CDH23: variants seen among roughly 807,000 people sequenced by gnomAD.
The protein encoded by CDH23 is cadherin-23.
In CDH23, 189 loss-of-function variants were observed where a neutral mutation model predicts 317.1. The observed-to-expected ratio is 0.60, with a 90% CI of 0.53 to 0.67. The LOEUF is 0.67. Ranked by LOEUF, CDH23 falls within the 30% of genes least tolerant of loss-of-function variation. The pLI, the probability that CDH23 is intolerant of heterozygous loss-of-function variation, is 0.00. For synonymous variants in CDH23, 1,839 were observed against 1,876.8 expected (o/e 0.98, Z 0.52); for missense variants, 4,401 against 4,592.4 (o/e 0.96, Z 1.20).
intron 27 of CDH23, 29 bp downstream of exon 27, chr10:71,709,240 C>G (rs367801664): frequency 1.1e-5 from 18 of 1,587,846 alleles, no homozygotes; most frequent in Admixed American, 1.7e-5. Context: ...CCCACCAACA[C>G]AGTGATCTGG....
intron 6 of CDH23, among the ~76,000 whole-genome samples, chr10:71,550,233 G>A (rs1856504685): frequency 6.6e-6 from 1 of 152,122 alleles, no homozygotes; most frequent in Non-Finnish European, 1.5e-5. Flanking sequence ...TTGGTCATGG[G>A]ACATATGAAT....
intron 67 of CDH23, 76 bp from the exon 68 acceptor site, chr10:71,812,692 C>A (rs987727140): frequency 2.1e-5 from 34 of 1,611,716 alleles, no homozygotes; most frequent in Non-Finnish European, 2.8e-5. Context: ...AAGCTGGGTT[C>A]TTTAAGGGGT....
chr10:71,417,320 G>T (rs776387599), intron 1 of CDH23, among the ~76,000 whole-genome samples: 2 of 151,850 alleles, frequency 1.3e-5, no homozygotes, highest in Admixed American at 6.6e-5. Context: ...CAGGTGATCC[G>T]CCTGCCTCGG....
intron 38 of CDH23, among the ~76,000 whole-genome samples, chr10:71,762,825 G>T (rs1208630814): frequency 6.6e-6 from 1 of 152,204 alleles, no homozygotes; most frequent in Non-Finnish European, 1.5e-5. Flanking sequence ...ATCCATGCAC[G>T]TCCTTCCAGC....
At chr10:71,510,838 G>C (rs1321896114) in intron 4 of CDH23, 116 bp from the exon 5 acceptor site, 4 of 970,054 alleles carry the variant, frequency 4.1e-6, no homozygotes, top group African/African-American at 1.6e-5. Flanking sequence ...TTGGGTGCCT[G>C]GTTCCAGGCA....
intron 38 of CDH23, chr10:71,773,425 C>T (rs756555317): frequency 5.6e-6 from 9 of 1,601,598 alleles, no homozygotes; most frequent in East Asian, 2.3e-5. Context: ...CCTCCAGGGC[C>T]GTGGGGACGC....
chr10:71,732,411 A>G (rs1042576023), intron 32 of CDH23, 36 bp downstream of exon 32: 2 of 1,551,490 alleles, frequency 1.3e-6, no homozygotes, highest in Non-Finnish European at 1.7e-6. Context: ...CATTTCTTCC[A>G]ATCTAACCAA....
At chr10:71,776,146 G>A (rs1167931920) in intron 38 of CDH23, among the ~76,000 whole-genome samples, 3 of 152,134 alleles carry the variant, frequency 2.0e-5, no homozygotes, top group East Asian at 1.9e-4. Flanking sequence ...CCAAGGCCAC[G>A]CAGCTCCTTT....
chr10:71,511,621 G>C (rs954582134), intron 6 of CDH23, among the ~76,000 whole-genome samples: 1 of 152,168 alleles, frequency 6.6e-6, no homozygotes, highest in Non-Finnish European at 1.5e-5. Flanking sequence ...AGGACTCAGG[G>C]AGCATGCAGT....
chr10:71,603,883 T>C (rs1182719296), intron 9 of CDH23, among the ~76,000 whole-genome samples: 1 of 152,168 alleles, frequency 6.6e-6, no homozygotes, highest in Non-Finnish European at 1.5e-5. Flanking sequence ...CACACGGTAT[T>C]TTGTGGATCC....
chr10:71,566,828 G>A lies in CDH23; in HGVS notation c.516G>A (p.Gln172=), dbSNP rs1381614387. 1.2e-6 allele frequency: 2 copies of A among 1,613,954 alleles called. No homozygotes were observed. Among genetic ancestry groups the A allele is most frequent in the South Asian group, 1.1e-5 (1 of 91,068 alleles). The change falls in exon 7 of 70, where the codon CAG becomes CAA. Residue 172 remains glutamine (Q), a synonymous_variant. Transcript: ENST00000224721. ...GAGGSVLYSF[Q]PPSQFFAIDS... The stretch of plus-strand genomic sequence containing the variant: ...GGGGCAGCGTCCTCTACTCCTTCCA[G>A]CCCCCCTCCCAATTCTTCGCCATTG...
At chr10:71,483,054 T>C (rs1249669750) in intron 3 of CDH23, among the ~76,000 whole-genome samples, 2 of 152,226 alleles carry the variant, frequency 1.3e-5, no homozygotes, top group Non-Finnish European at 2.9e-5. Flanking sequence ...ACAAAAATGC[T>C]GTTCAGTGGC....
intron 55 of CDH23, among the ~76,000 whole-genome samples, chr10:71,805,406 CAGAG>C (rs1332950113): frequency 1.3e-5 from 2 of 152,222 alleles, no homozygotes; most frequent in South Asian, 4.1e-4. Context: ...TTTGGGGTAG[CAGAG>C]AGAGCAAGAC....
At chr10:71,765,356 C>A (rs1007613700) in intron 38 of CDH23, among the ~76,000 whole-genome samples, 2 of 152,212 alleles carry the variant, frequency 1.3e-5, no homozygotes, top group East Asian at 3.9e-4. Context: ...GGGCTGCAGG[C>A]CAGAGGAGGG....
chr10:71,812,967 G>A (rs1435668684), intron 68 of CDH23, 77 bp downstream of exon 68: 21 of 1,576,932 alleles, frequency 1.3e-5, no homozygotes, highest in Non-Finnish European at 1.7e-5. Flanking sequence ...CAGGGTGGTA[G>A]AGACCTCCAG....
chr10:71,740,340 C>G (rs1009089268), intron 36 of CDH23, among the ~76,000 whole-genome samples: 1 of 152,244 alleles, frequency 6.6e-6, no homozygotes, highest in Non-Finnish European at 1.5e-5. Flanking sequence ...CTCCCAGGAA[C>G]AGGCTCAGCC....
intron 11 of CDH23, among the ~76,000 whole-genome samples, chr10:71,626,195 A>C (rs1861726286): frequency 6.6e-6 from 1 of 152,198 alleles, no homozygotes; most frequent in Non-Finnish European, 1.5e-5. Flanking sequence ...GTGGAAAATA[A>C]AAATTCTTCT....
chr10:71,675,112 G>C lies in CDH23; in HGVS notation c.1450G>C (p.Ala484Pro). ...TVGTSVLTVL[A>P]TDNDAGTFGE... The stretch of plus-strand genomic sequence containing the variant: ...TGACTTCTTGTTCTCGCTGTTGCAG[G>C]CAACTGACAATGATGCAGGCACCTT... Residue 484 changes from alanine (A) to proline (P), a missense_variant and splice_region_variant, in exon 15 of 70, where the codon GCA becomes CCA. Coordinates refer to ENST00000224721, the MANE Select transcript of CDH23 (RefSeq NM_022124.6). 1 of 1,613,820 alleles carries C rather than the reference G, an allele frequency of 6.2e-7. No homozygotes were observed. Among genetic ancestry groups the C allele is most frequent in the Non-Finnish European group, 8.5e-7 (1 of 1,179,732 alleles).
chr10:71,732,399 A>G (rs1839422675), intron 32 of CDH23, 24 bp downstream of exon 32: 2 of 1,552,748 alleles, frequency 1.3e-6, no homozygotes. Flanking sequence ...GGCAGGGAGC[A>G]CCATTTCTTC....
Sources: allele counts gnomAD v4.1 joint callset (sites outside exome capture counted in the v4.1 genomes callset), GRCh38; gene constraint gnomAD v4.1.1; transcripts MANE v1.5; gene names NCBI Gene and HGNC (gene_info 2026-07-23, HGNC 2026-07-21).